Variants in FKBP5 observed in about 807,000 individuals in gnomAD.
FKBP5 encodes the protein FKBP prolyl isomerase 5.
A neutral mutation model predicts 50.5 loss-of-function variants in FKBP5; 23 were observed. That is an observed-to-expected ratio of 0.46 (90% CI 0.33 to 0.65). The LOEUF (loss-of-function observed/expected upper bound fraction) is 0.65, where lower values mean the gene tolerates loss of function less well. Ranked by LOEUF, FKBP5 falls within the 30% of genes least tolerant of loss-of-function variation. The pLI is 0.02. For synonymous variants in FKBP5, 176 were observed against 190.6 expected, an observed-to-expected ratio of 0.92 and a Z score of 0.63; for missense variants, 411 against 553.1, an observed-to-expected ratio of 0.74 and a Z score of 2.58.
intron 8 of FKBP5, chr6:35,581,285 A>AAT (rs763393400): frequency 0.029 from 11,118 of 380,810 alleles, 63 homozygotes; most frequent in Middle Eastern, 0.07. Context: ...ATATATATAT[A>AAT]ATATATATAT....
chr6:35,644,332 CT>C (rs1764572828), intron 1 of FKBP5, among the ~76,000 whole-genome samples: 2 of 152,366 alleles, frequency 1.3e-5, no homozygotes, highest in South Asian at 4.1e-4. Context: ...TTAATGCCCC[CT>C]AAACTCATCT....
intron 5 of FKBP5, among the ~76,000 whole-genome samples, chr6:35,609,855 T>C (rs1763436428): frequency 6.6e-6 from 1 of 152,240 alleles, no homozygotes; most frequent in Non-Finnish European, 1.5e-5. Flanking sequence ...AGTTGGCTTT[T>C]TGACTTATGA....
At position 35,675,640 on chromosome 6, in the gene FKBP5, A is replaced by T. The variant is rs6931036; in HGVS notation, c.-20+13164T>A. On this transcript the variant is annotated intron_variant, in intron 1 of 10. Coordinates refer to ENST00000357266, the MANE Select transcript of FKBP5 (RefSeq NM_004117.4). ...AAACACCTTGAGGGAAGAAAGCATC[A>T]ATCCTAACAATTTAATTCAACTTGC... Among the ~76,000 whole-genome samples the T allele has an allele frequency of 4.6e-3, 695 of 152,292 alleles. 3 individuals are homozygous for T. Among genetic ancestry groups the T allele is most frequent in the Middle Eastern group, 0.024 (7 of 294 alleles).
At chr6:35,623,889 T>A (rs1014105918) in intron 3 of FKBP5, among the ~76,000 whole-genome samples, 2 of 152,072 alleles carry the variant, frequency 1.3e-5, no homozygotes, top group Non-Finnish European at 1.5e-5. Flanking sequence ...TCTGTAGATA[T>A]GGAGTCTTGC....
intron 1 of FKBP5, among the ~76,000 whole-genome samples, chr6:35,652,351 G>A (rs539162599): frequency 7.2e-5 from 11 of 152,330 alleles, no homozygotes; most frequent in Admixed American, 1.3e-4. Context: ...AACTCTGACC[G>A]CCGGTGAGCC....
intron 5 of FKBP5, 82 bp from the exon 6 acceptor site, chr6:35,597,486 CA>C: frequency 6.9e-7 from 1 of 1,451,372 alleles, no homozygotes; most frequent in Non-Finnish European, 9.3e-7. Context: ...GAGTGGTCGA[CA>C]ATGTAGCAAA....
chr6:35,684,574 TC>T (rs1437823478), intron 1 of FKBP5, among the ~76,000 whole-genome samples: 1 of 152,220 alleles, frequency 6.6e-6, no homozygotes, highest in African/African-American at 2.4e-5. Context: ...ATTTTCAATA[TC>T]TTTTGACTGA....
intron 8 of FKBP5, chr6:35,585,219 T>C: frequency 2.0e-6 from 2 of 976,766 alleles, no homozygotes; most frequent in Non-Finnish European, 2.4e-6. Flanking sequence ...AGGATTTTTA[T>C]GGACTTCGGA....
chr6:35,720,800 G>A (rs1766598389), intron 1 of FKBP5, among the ~76,000 whole-genome samples: 1 of 152,196 alleles, frequency 6.6e-6, no homozygotes, highest in Non-Finnish European at 1.5e-5. Flanking sequence ...TAACAATAAA[G>A]AAGAATCACC....
chr6:35,698,192 A>AT (rs1322476957), intron 2 of FKBP5, among the ~76,000 whole-genome samples: 1 of 152,132 alleles, frequency 6.6e-6, no homozygotes, highest in African/African-American at 2.4e-5. Flanking sequence ...AAAATACAAA[A>AT]TTAGCCAGGC....
In FKBP5 at chr6:35,584,996, C is replaced by A. The variant is rs1347645813; in HGVS notation, c.840+2038G>T. 10 of 985,296 alleles carry A rather than the reference C, an allele frequency of 1.0e-5. No homozygotes were observed. The South Asian group carries it at 4.2e-4, about 42-fold the overall frequency. 61.0% of individuals were successfully genotyped at this position (985,296 alleles called of 1,614,324 possible). A position where few individuals can be genotyped will look rare whatever the true frequency, so the allele number is the denominator to read the frequency against. On this transcript the variant is annotated intron_variant, in intron 8 of 10. Coordinates refer to ENST00000357266, the MANE Select transcript of FKBP5 (RefSeq NM_004117.4). ...CATCTCTCTGTATATATTCAGAACACAGCTATATGACAGATGGCTTCATAA... is the reference window on the plus strand; with the variant it reads ...CATCTCTCTGTATATATTCAGAACAAAGCTATATGACAGATGGCTTCATAA...
upstream of FKBP5, among the ~76,000 whole-genome samples, chr6:35,693,593 C>T (rs372419855): frequency 1.3e-5 from 2 of 152,032 alleles, no homozygotes; most frequent in South Asian, 2.1e-4. Flanking sequence ...AGTCTCAGCT[C>T]ACTGCAACCT....
chr6:35,610,446 T>C (rs1341937046), intron 5 of FKBP5, among the ~76,000 whole-genome samples: 1 of 151,274 alleles, frequency 6.6e-6, no homozygotes, highest in Non-Finnish European at 1.5e-5. Context: ...CAGGTGCCTG[T>C]AGTCCCAGCT....
At chr6:35,624,435 G>C (rs1445164620) in intron 3 of FKBP5, among the ~76,000 whole-genome samples, 1 of 152,022 alleles carries the variant, frequency 6.6e-6, no homozygotes, top group Non-Finnish European at 1.5e-5. Flanking sequence ...CTGGGAGCTG[G>C]AGGTTGCAGT....
At position 35,704,955 on chromosome 6, in the gene FKBP5, C is replaced by A. The variant is rs189138983; in HGVS notation, c.-20+15373G>T. ...AGGAAATCGAGACCATCCTGGGTAA[C>A]ACGGTGAAACCCCATCTCTACTAAA... On this transcript the variant is annotated intron_variant, in intron 2 of 11. Transcript: ENST00000536438. Among the ~76,000 whole-genome samples the A allele has an allele frequency of 3.6e-3, 546 of 151,564 alleles. 2 individuals carry two copies. Among genetic ancestry groups the A allele is most frequent in the African/African-American group, 0.01 (419 of 41,386 alleles).
chr6:35,584,565 A>G (rs1762543028), intron 8 of FKBP5: 1 of 985,482 alleles, frequency 1.0e-6, no homozygotes. Context: ...TGGGAAGGGA[A>G]TATGTACAGG....
At chr6:35,688,712 G>C (rs540616586) in intron 1 of FKBP5, 92 bp downstream of exon 1, 5 of 150,852 alleles carry the variant, frequency 3.3e-5, no homozygotes, top group African/African-American at 1.2e-4. Flanking sequence ...CTGAGGCAGC[G>C]AGTGCGACCG....
intron 8 of FKBP5, 109 bp downstream of exon 8, chr6:35,586,925 T>C: frequency 6.4e-7 from 1 of 1,570,214 alleles, no homozygotes; most frequent in South Asian, 1.2e-5. Context: ...TTGCAGCTTA[T>C]TCTTACCAAG....
At chr6:35,616,449 A>C (rs1024707995) in intron 5 of FKBP5, among the ~76,000 whole-genome samples, 5 of 152,138 alleles carry the variant, frequency 3.3e-5, no homozygotes, top group African/African-American at 1.2e-4. Flanking sequence ...GTACTACATC[A>C]ATGTTAACTT....
Sources: gnomAD v4.1 joint callset for allele counts (sites outside exome capture counted in the v4.1 genomes callset) on GRCh38, gnomAD v4.1.1 for gene constraint, MANE v1.5 for transcripts, NCBI Gene and HGNC (gene_info 2026-07-23, HGNC 2026-07-21) for gene names.